Variants in ARIH1 observed in about 807,000 individuals in gnomAD.
ARIH1 encodes the protein E3 ubiquitin-protein ligase ARIH1.
A neutral mutation model predicts 85.0 loss-of-function variants in ARIH1; 8 were observed. That is an observed-to-expected ratio of 0.09 (90% CI 0.06 to 0.17). The LOEUF is 0.17. Among genes scored for constraint, ARIH1 ranks in the 10% least tolerant of loss-of-function variants. ARIH1 has a pLI of 1.00. For synonymous variants in ARIH1, 238 were observed against 253.6 expected, an observed-to-expected ratio of 0.94 and a Z score of 0.59; for missense variants, 311 against 718.1, an observed-to-expected ratio of 0.43 and a Z score of 6.48.
chr15:72,528,997 G>A (rs931655193), intron 2 of ARIH1, among the ~76,000 whole-genome samples: 1 of 152,034 alleles, frequency 6.6e-6, no homozygotes, highest in African/African-American at 2.4e-5. Context: ...TCAGGAGATC[G>A]AGACCATCCT....
intron 5 of ARIH1, among the ~76,000 whole-genome samples, chr15:72,556,867 T>G (rs1428685374): frequency 1.3e-5 from 2 of 152,218 alleles, no homozygotes; most frequent in Non-Finnish European, 2.9e-5. Flanking sequence ...CTAGCTGCAT[T>G]TGTATTGCTG....
At chr15:72,563,230 T>G (rs555294786) in intron 6 of ARIH1, among the ~76,000 whole-genome samples, 164 bp from the exon 7 acceptor site, 1 of 152,114 alleles carries the variant, frequency 6.6e-6, no homozygotes. Flanking sequence ...TCTTTTTTCT[T>G]TTTTTTAAGG....
Position 72,572,055 on chromosome 15 carries a change from TC to T in ARIH1, c.1158-51del, listed in dbSNP as rs1165179219. 4 of 1,284,820 alleles carry T rather than the reference TC, an allele frequency of 3.1e-6. No individual in the cohort carries two copies. The African/African-American group carries it at 4.6e-5, about 15-fold the overall frequency. The allele number at this position is 1,284,820 out of a possible 1,614,324, so 79.6% of individuals were successfully genotyped here. ...GGTTAAAATTCTGATTTTTTTTTTTTCCTTTTCATTGATTTTTTTTTTCTTT... is the reference window on the plus strand; with the variant it reads ...GGTTAAAATTCTGATTTTTTTTTTTTCTTTTCATTGATTTTTTTTTTCTTT... On this transcript the variant is annotated intron_variant, in intron 10 of 13. Transcript: ENST00000379887.
At chr15:72,506,341 C>T (rs533548657) in intron 1 of ARIH1, among the ~76,000 whole-genome samples, 1 of 10,396 alleles carries the variant, frequency 9.6e-5, no homozygotes, top group Admixed American at 4.4e-3. Context: ...CAGAGCAAGA[C>T]TCCGTCTCAC....
intron 1 of ARIH1, among the ~76,000 whole-genome samples, chr15:72,504,711 G>A (rs2063917530): frequency 6.6e-6 from 1 of 152,186 alleles, no homozygotes; most frequent in African/African-American, 2.4e-5. Flanking sequence ...GAGAGAATCG[G>A]CAGACGGAAG....
intron 1 of ARIH1, among the ~76,000 whole-genome samples, chr15:72,504,300 C>T (rs2063915472): frequency 6.6e-6 from 1 of 152,146 alleles, no homozygotes; most frequent in Non-Finnish European, 1.5e-5. Flanking sequence ...GGTTAATCTG[C>T]CGTCTCAGCC....
At chr15:72,563,595 A>T in intron 7 of ARIH1, 95 bp downstream of exon 7, 1 of 1,031,806 alleles carries the variant, frequency 9.7e-7, no homozygotes, top group Non-Finnish European at 1.5e-6. Context: ...AAAAGTGTTT[A>T]CCTTAGGCAG....
In ARIH1 at chr15:72,563,438, T is replaced by A. The variant is rs758299803; in HGVS notation, c.849T>A (p.His283Gln). The change falls in exon 7 of 14, where the codon CAT becomes CAA. Residue 283 changes from histidine (H) to glutamine (Q), a missense_variant. Around this residue, in one of 3 missense-constraint regions of ARIH1, gnomAD observed 104 missense variants for 221.4 expected, o/e 0.47. Transcript: ENST00000379887. The part of the protein sequence containing the change: ...LKWCPAPDCH[H>Q]VVKVQYPDAK... ...GGTGTCCTGCCCCAGATTGCCACCA[T>A]GTTGTTAAAGTCCAATATCCTGATG... 2.5e-6 allele frequency: 4 copies of A among 1,614,106 alleles called. No homozygotes were observed. The highest frequency in any genetic ancestry group is 1.1e-5 in the South Asian group (1 of 91,082).
chr15:72,535,422 T>A (rs1030840052), intron 2 of ARIH1, among the ~76,000 whole-genome samples: 2 of 152,250 alleles, frequency 1.3e-5, no homozygotes, highest in Non-Finnish European at 2.9e-5. Flanking sequence ...CTAACTAGCA[T>A]AATTCCTACA....
chr15:72,510,736 C>CAAAAAAAAAAAAAA (rs57834481), intron 1 of ARIH1, among the ~76,000 whole-genome samples: 5 of 26,724 alleles, frequency 1.9e-4, no homozygotes, highest in African/African-American at 4.7e-4. Context: ...GACTCTGACT[C>CAAAAAAAAAAAAAA]AAAAAAAAAA....
intron 9 of ARIH1, 106 bp downstream of exon 9, chr15:72,567,283 T>A: frequency 1.3e-6 from 1 of 784,696 alleles, no homozygotes. Flanking sequence ...TTGTTTCATC[T>A]TTTTCTCCAT....
In ARIH1 at chr15:72,592,143, T is replaced by C. The variant is rs1477054943; in HGVS notation, c.*8851T>C. On this transcript the variant is annotated 3_prime_UTR_variant, in exon 14 of 14. Coordinates refer to ENST00000379887, the MANE Select transcript of ARIH1 (RefSeq NM_005744.5). ...GGTTAAGTGCTGTACTTTAAGGAAG[T>C]CCATGTACAAGCCAGTGCCTTAACA... The C allele has an allele frequency of 1.3e-5, 2 of 152,224 alleles. No individual in the cohort carries two copies. The highest frequency in any genetic ancestry group is 2.9e-5 in the Non-Finnish European group (2 of 68,028). The allele number at this position is 152,224 out of a possible 1,614,324, so 9.4% of individuals were successfully genotyped here.
chr15:72,570,560 T>C (rs1403915907), intron 10 of ARIH1, among the ~76,000 whole-genome samples: 2 of 152,198 alleles, frequency 1.3e-5, no homozygotes, highest in Non-Finnish European at 2.9e-5. Context: ...GAAAAACATT[T>C]AGGGCAAAAG....
At chr15:72,524,628 G>T in intron 2 of ARIH1, among the ~76,000 whole-genome samples, 1 of 152,174 alleles carries the variant, frequency 6.6e-6, no homozygotes, top group East Asian at 1.9e-4. Flanking sequence ...TATAGTAAAA[G>T]ATTCCACTCC....
At chr15:72,484,842 T>C (rs562627817) in intron 1 of ARIH1, among the ~76,000 whole-genome samples, 1 of 152,092 alleles carries the variant, frequency 6.6e-6, no homozygotes, top group South Asian at 2.1e-4. Flanking sequence ...TTGATGGGCA[T>C]TTGGGCTGGT....
chr15:72,509,572 C>G (rs1258943597), intron 1 of ARIH1, among the ~76,000 whole-genome samples: 1 of 151,988 alleles, frequency 6.6e-6, no homozygotes, highest in Non-Finnish European at 1.5e-5. Context: ...CCTATCCTTA[C>G]TTATTTATTT....
At chr15:72,497,273 T>A (rs2140399437) in intron 1 of ARIH1, among the ~76,000 whole-genome samples, 1 of 152,282 alleles carries the variant, frequency 6.6e-6, no homozygotes, top group Non-Finnish European at 1.5e-5. Flanking sequence ...TATTTATGTG[T>A]TAATGTTTAT....
intron 1 of ARIH1, among the ~76,000 whole-genome samples, chr15:72,507,061 C>T (rs545593747): frequency 4.6e-5 from 7 of 152,170 alleles, no homozygotes; most frequent in African/African-American, 1.4e-4. Context: ...CGTGCCCTGT[C>T]GCCCAGGCTG....
chr15:72,502,979 G>A (rs1595854495), intron 1 of ARIH1, among the ~76,000 whole-genome samples: 2 of 152,272 alleles, frequency 1.3e-5, no homozygotes, highest in East Asian at 3.9e-4. Flanking sequence ...TAACTGGGAA[G>A]TTTGATGATC....
Sources: allele counts gnomAD v4.1 joint callset (sites outside exome capture counted in the v4.1 genomes callset), GRCh38; gene constraint gnomAD v4.1.1; regional missense constraint gnomAD v4.1.1; transcripts MANE v1.5; gene names NCBI Gene and HGNC (gene_info 2026-07-23, HGNC 2026-07-21).